The following ZFHX3 variants were observed in gnomAD, a reference collection of about 807,000 sequenced individuals.
ZFHX3 encodes the protein zinc finger homeobox 3.
In ZFHX3, 42 loss-of-function variants were observed where a neutral mutation model predicts 279.1. The observed-to-expected ratio is 0.15, with a 90% CI of 0.12 to 0.19. The LOEUF is 0.19. Among genes scored for constraint, ZFHX3 ranks in the 10% least tolerant of loss-of-function variants. ZFHX3 has a pLI of 1.00. For missense variants in ZFHX3, 4,981 were observed against 4,754.0 expected, an observed-to-expected ratio of 1.05 and a Z score of -1.40; for synonymous variants, 2,293 against 1,957.8, an observed-to-expected ratio of 1.17 and a Z score of -4.52.
chr16:73,646,207 ATAGAT>A (rs1228096450), intron 2 of ZFHX3, among the ~76,000 whole-genome samples: 2 of 152,204 alleles, frequency 1.3e-5, no homozygotes, highest in African/African-American at 2.4e-5. Context: ...ACATGAGGTG[ATAGAT>A]TAAAGAAAGT....
chr16:72,829,859 T>A lies in ZFHX3; in HGVS notation c.3449A>T (p.Glu1150Val). ...TCCTTCAACATCTTCAATGGCTTCTTCTGAAACAGAAGAAAAACATGTCAA... is the reference window on the plus strand; with the variant it reads ...TCCTTCAACATCTTCAATGGCTTCTACTGAAACAGAAGAAAAACATGTCAA... ...TIRRCPSTDP[E>V]EAIEDVEGPS... Residue 1150 changes from glutamate to valine, a missense_variant and splice_region_variant, in exon 5 of 10, where the codon GAA becomes GTA. By Grantham distance (121) the Glu-to-Val change is moderately radical. This residue lies in a region of ZFHX3 where 1,751 missense variants were observed against 1,770.0 expected (regional missense o/e 0.99). Coordinates refer to ENST00000268489, the MANE Select transcript of ZFHX3 (RefSeq NM_006885.4). 6.2e-7 allele frequency: 1 copy of A among 1,614,166 alleles called. No individual in the cohort carries two copies. Among genetic ancestry groups the A allele is most frequent in the South Asian group, 1.1e-5 (1 of 91,076 alleles).
At chr16:73,888,904 C>G (rs2030437350) in intron 1 of ZFHX3, among the ~76,000 whole-genome samples, 1 of 151,488 alleles carries the variant, frequency 6.6e-6, no homozygotes, top group Admixed American at 6.6e-5. Flanking sequence ...CTACCACCCC[C>G]CCAAAAAATC....
chr16:72,929,195 G>C (rs1406016536), intron 3 of ZFHX3, among the ~76,000 whole-genome samples: 1 of 148,972 alleles, frequency 6.7e-6, no homozygotes, highest in Non-Finnish European at 1.5e-5. Flanking sequence ...CCGAGATGGC[G>C]CCACTGCACT....
intron 3 of ZFHX3, among the ~76,000 whole-genome samples, chr16:72,929,751 T>C (rs552272191): frequency 2.6e-5 from 4 of 152,242 alleles, no homozygotes; most frequent in Admixed American, 6.5e-5. Flanking sequence ...TTAAAACAAG[T>C]GTGCACTGGG....
chr16:73,699,153 G>A (rs553307363), intron 1 of ZFHX3, among the ~76,000 whole-genome samples: 24 of 152,046 alleles, frequency 1.6e-4, no homozygotes, highest in Admixed American at 6.6e-4. Context: ...AATCAAGTAC[G>A]GTTTTAAGTT....
At chr16:73,891,500 G>T in intron 1 of ZFHX3, among the ~76,000 whole-genome samples, 1 of 152,020 alleles carries the variant, frequency 6.6e-6, no homozygotes, top group East Asian at 1.9e-4. Flanking sequence ...GGAAGGAGAG[G>T]GAGAGAGAGG....
intron 2 of ZFHX3, among the ~76,000 whole-genome samples, chr16:73,651,635 G>C (rs9935642): frequency 0.03 from 4,129 of 136,128 alleles, 221 homozygotes; most frequent in African/African-American, 0.11. Flanking sequence ...AGGGGATCGA[G>C]ACCATCCTGG....
chr16:72,860,690 A>G (rs538911252), intron 4 of ZFHX3, among the ~76,000 whole-genome samples: 62 of 152,168 alleles, frequency 4.1e-4, no homozygotes, highest in Non-Finnish European at 8.1e-4. Context: ...TCAGCTTCCT[A>G]AAGTGCTGGG....
At chr16:73,728,018 C>CCCCT (rs1555535433) in intron 1 of ZFHX3, among the ~76,000 whole-genome samples, 1 of 80,892 alleles carries the variant, frequency 1.2e-5, no homozygotes, top group East Asian at 3.9e-4. Context: ...GAATTGTGCC[C>CCCCT]CCCCCCCGCC....
chr16:73,245,208 T>C (rs752065889), intron 5 of ZFHX3, among the ~76,000 whole-genome samples: 1 of 152,220 alleles, frequency 6.6e-6, no homozygotes, highest in Admixed American at 6.5e-5. Context: ...TCTTGCAAGA[T>C]GTAAGCTCCT....
chr16:73,228,402 C>T (rs907004973), intron 5 of ZFHX3, among the ~76,000 whole-genome samples: 12 of 152,194 alleles, frequency 7.9e-5, no homozygotes, highest in African/African-American at 2.4e-4. Context: ...GTGGCTCACG[C>T]GTATAATCCC....
At chr16:73,806,761 G>A (rs1333799912) in intron 1 of ZFHX3, among the ~76,000 whole-genome samples, 2 of 152,098 alleles carry the variant, frequency 1.3e-5, no homozygotes, top group Non-Finnish European at 2.9e-5. Flanking sequence ...TTTAAAAATC[G>A]GTGAAGCATG....
intron 3 of ZFHX3, among the ~76,000 whole-genome samples, chr16:73,337,892 C>CCGGGGGGG: frequency 1.3e-5 from 1 of 79,162 alleles, no homozygotes; most frequent in Non-Finnish European, 3.0e-5. Flanking sequence ...CTTCCCTTGG[C>CCGGGGGGG]GGGGGGGGGG....
chr16:73,348,633 T>C (rs936723852), intron 3 of ZFHX3, among the ~76,000 whole-genome samples: 5 of 152,224 alleles, frequency 3.3e-5, no homozygotes, highest in Non-Finnish European at 7.3e-5. Context: ...GGTGTTATTT[T>C]CTGCACACGG....
At chr16:72,953,258 C>G (rs1339110680) in intron 2 of ZFHX3, among the ~76,000 whole-genome samples, 2 of 149,120 alleles carry the variant, frequency 1.3e-5, no homozygotes, top group African/African-American at 2.5e-5. Flanking sequence ...ATAACTATGT[C>G]ATTCTTTTTA....
intron 1 of ZFHX3, among the ~76,000 whole-genome samples, chr16:73,728,481 T>G (rs1212131725): frequency 6.6e-6 from 1 of 152,218 alleles, no homozygotes; most frequent in East Asian, 1.9e-4. Context: ...AAAAGTTCTA[T>G]TGGACAGTGC....
intron 1 of ZFHX3, among the ~76,000 whole-genome samples, chr16:73,021,317 A>T (rs776525940): frequency 1.3e-5 from 2 of 152,130 alleles, no homozygotes; most frequent in African/African-American, 2.4e-5. Flanking sequence ...CCAGTCACTC[A>T]AGTTAAAAAT....
Position 73,507,830 on chromosome 16 carries a change from A to T in ZFHX3, c.-1546-51572T>A, listed in dbSNP as rs530321415. On this transcript the variant is annotated intron_variant, in intron 2 of 17. Coordinates refer to the ZFHX3 transcript ENST00000641206. Reference sequence around the variant, plus strand: ...CCACTTTTTACCTGGGAGATTACAGACAAACTTTTAACCTGTCCAATCCTT... The same window carrying T: ...CCACTTTTTACCTGGGAGATTACAGTCAAACTTTTAACCTGTCCAATCCTT... Among the ~76,000 whole-genome samples the T allele has an allele frequency of 2.6e-5, 4 of 152,206 alleles. No homozygotes were observed. In the South Asian group the frequency reaches 8.3e-4, roughly 32 times the overall value.
chr16:73,725,544 T>TGA (rs1567562552), intron 1 of ZFHX3, among the ~76,000 whole-genome samples: 2 of 35,732 alleles, frequency 5.6e-5, no homozygotes, highest in Non-Finnish European at 1.1e-4. Context: ...TGAGTGAGTG[T>TGA]GTGTGTGTGT....
Sources: allele counts gnomAD v4.1 joint callset (sites outside exome capture counted in the v4.1 genomes callset), GRCh38; gene constraint gnomAD v4.1.1; regional missense constraint gnomAD v4.1.1; transcripts MANE v1.5; gene names NCBI Gene and HGNC (gene_info 2026-07-23, HGNC 2026-07-21).